Variants in ABCB9 observed in about 807,000 individuals in gnomAD.
ABCB9 encodes the protein ATP binding cassette subfamily B member 9.
Under a neutral mutation model 62.0 loss-of-function variants are expected in ABCB9, and 36 were observed. The ratio of observed to expected loss-of-function variants is 0.58; its 90% CI spans 0.45 to 0.77. ABCB9 has a LOEUF of 0.77. ABCB9 is among the 30% of genes least tolerant of loss of function. ABCB9 has a pLI of 0.00. For missense variants in ABCB9, 943 were observed against 1,054.7 expected, an observed-to-expected ratio of 0.89 and a Z score of 1.47; for synonymous variants, 435 against 461.4, an observed-to-expected ratio of 0.94 and a Z score of 0.73.
Position 122,940,176 on chromosome 12 carries a change from C to A in ABCB9, c.1678G>T (p.Gly560Trp), listed in dbSNP as rs756182750. ...NILENFYPLE[G>W]GRVLLDGKPI... ...TTGCCGTCCAGCAGCACCCGGCCCC[C>A]CTCCAGGGGGTAGAAGTTCTCCAGG... Residue 560 changes from glycine to tryptophan, a missense_variant, in exon 9 of 12, where the codon GGG becomes TGG. Gly to Trp is a radical substitution (Grantham distance 184). Transcript: ENST00000280560. The surrounding 1 kb of genome is among the most constrained non-coding windows in gnomAD (Gnocchi z 4.8). 6 of 1,613,678 alleles carry A rather than the reference C, an allele frequency of 3.7e-6. No individual in the cohort carries two copies. The highest frequency in any genetic ancestry group is 5.1e-6 in the Non-Finnish European group (6 of 1,179,916).
chr12:122,931,014 TTTTG>T (rs530609946), intron 11 of ABCB9, among the ~76,000 whole-genome samples: 1 of 152,032 alleles, frequency 6.6e-6, no homozygotes, highest in African/African-American at 2.4e-5. Flanking sequence ...CCATTCTGTT[TTTTG>T]TTTTTGTTTG....
chr12:122,944,460 T>G lies in ABCB9; in HGVS notation c.1311A>C (p.Ser437=). 6.2e-7 allele frequency: 1 copy of G among 1,613,970 alleles called. No homozygotes were observed. The highest frequency in any genetic ancestry group is 8.5e-7 in the Non-Finnish European group (1 of 1,179,908). The change falls in exon 7 of 12, where the codon TCA becomes TCC. Residue 437 remains serine (S), a synonymous_variant. Coordinates refer to ENST00000280560, the MANE Select transcript of ABCB9 (RefSeq NM_019625.4). The surrounding 1 kb of genome is among the most constrained non-coding windows in gnomAD (Gnocchi z 4.9). ...ILYYGGHLVI[S]GQMTSGNLIA... ...TGAGGTTGCCGCTGGTCATCTGGCC[T>G]GAGATGACAAGGTGGCCCCCGTAGT...
At chr12:122,924,822 A>T, downstream of ABCB9, 1 of 1,534,752 alleles carries the variant, frequency 6.5e-7, no homozygotes, top group Non-Finnish European at 8.7e-7. Context: ...TGTGTGGGAC[A>T]GAAGGAGGAC....
Position 122,935,393 on chromosome 12 carries a change from G to A in ABCB9, c.1782C>T (p.Arg594=), listed in dbSNP as rs772502697. Residue 594 remains arginine (R), a synonymous_variant, in exon 10 of 12, where the codon CGC becomes CGT. Transcript: ENST00000280560. ...CGTAGGAGATGTTATCCGTGATGGA[G>A]CGGGCGAACAGCACGGGCTCCTGGC... ...LVSQEPVLFA[R]SITDNISYGL... is the part of the protein sequence containing the mutation. 9.9e-6 allele frequency: 16 copies of A among 1,614,074 alleles called. 1 individual carries two copies. The South Asian group carries it at 1.8e-4, about 18-fold the overall frequency.
chr12:122,965,717 C>T (rs1382133671), intron 1 of ABCB9, among the ~76,000 whole-genome samples: 1 of 150,018 alleles, frequency 6.7e-6, no homozygotes, highest in African/African-American at 2.4e-5. Context: ...AATGTCAGGC[C>T]GGGGGAGGAG....
upstream of ABCB9, among the ~76,000 whole-genome samples, chr12:122,971,076 C>T (rs2037264929): frequency 6.6e-6 from 1 of 152,132 alleles, no homozygotes; most frequent in Non-Finnish European, 1.5e-5. Flanking sequence ...CCATATGATA[C>T]TGTAATGGTA....
In ABCB9 at chr12:122,922,677, C is replaced by A. The variant is rs965196002; in HGVS notation, c.2041-1634G>T. 2.6e-5 allele frequency among the ~76,000 whole-genome samples: 4 copies of A among 152,220 alleles called. No individual in the cohort carries two copies. The East Asian group carries it at 5.8e-4, about 22-fold the overall frequency. ...TACAGGTGTGAGCCACTGCACCCAG[C>A]CAAGTCTATTTTTATTCTTAAAGAA... On this transcript the variant is annotated intron_variant, in intron 11 of 11. Coordinates refer to the ABCB9 transcript ENST00000344275.
At chr12:122,961,155 TA>T (rs2036879468) in intron 1 of ABCB9, among the ~76,000 whole-genome samples, 1 of 151,170 alleles carries the variant, frequency 6.6e-6, no homozygotes, top group Non-Finnish European at 1.5e-5. Context: ...GTGAATAGGA[TA>T]GGGGTGGGGG....
In ABCB9 at chr12:122,929,268, C is replaced by A. The variant is rs953697304; in HGVS notation, c.*643G>T. 7.1e-6 allele frequency: 7 copies of A among 986,054 alleles called. No individual in the cohort carries two copies. The highest frequency in any genetic ancestry group is 8.4e-6 in the Non-Finnish European group (7 of 830,106). The allele number at this position is 986,054 out of a possible 1,614,324, so 61.1% of individuals were successfully genotyped here. On this transcript the variant is annotated 3_prime_UTR_variant, in exon 12 of 12. Coordinates refer to ENST00000280560, the MANE Select transcript of ABCB9 (RefSeq NM_019625.4). This position sits in a 1 kb window ranked among gnomAD's most constrained non-coding sequence, Gnocchi z 6.0. ...CTCCAGACCTGGCCAGCCCCTCACT[C>A]CCCCAGTTGAGGTTTCGTGTGGTTC...
At position 122,930,317 on chromosome 12, in the gene ABCB9, G is replaced by A. The variant is rs1289610805; in HGVS notation, c.2041-146C>T. 2.4e-6 allele frequency: 2 copies of A among 831,656 alleles called. No individual in the cohort carries two copies. The allele number at this position is 831,656 out of a possible 1,614,324, so 51.5% of individuals were successfully genotyped here. On this transcript the variant is annotated intron_variant, in intron 11 of 11. Coordinates refer to ENST00000280560, the MANE Select transcript of ABCB9 (RefSeq NM_019625.4). The surrounding 1 kb of genome is among the most constrained non-coding windows in gnomAD (Gnocchi z 4.9). ...CAGCTTCCTGGGTTTTTCTTAAAGG[G>A]AGACAGCTCAGGGCCAGACACAATG...
chr12:122,952,647 C>T (rs560796724), intron 2 of ABCB9: 6 of 152,342 alleles, frequency 3.9e-5, no homozygotes, highest in Admixed American at 3.3e-4. Context: ...TGAGCTGTGA[C>T]AGAATATTCT....
chr12:122,925,162 C>G (rs1467844603), downstream of ABCB9, among the ~76,000 whole-genome samples: 1 of 152,158 alleles, frequency 6.6e-6, no homozygotes, highest in East Asian at 1.9e-4. Flanking sequence ...CTCAAGCGAT[C>G]TGCCTGCCTC....
rs997236406 is a variant in ABCB9, at chr12:122,960,889, A to G, written c.-87-567T>C. On this transcript the variant is annotated intron_variant, in intron 1 of 11. Coordinates refer to ENST00000280560, the MANE Select transcript of ABCB9 (RefSeq NM_019625.4). ...GTGAGACCCTGTCTTTAAAAAGCAA[A>G]CAAACAAACAAACAAACAAACATTA... 2.0e-4 allele frequency among the ~76,000 whole-genome samples: 28 copies of G among 139,122 alleles called. 1 individual carries two copies. Among genetic ancestry groups the G allele is most frequent in the Non-Finnish European group, 1.6e-5 (1 of 63,174 alleles). 91.3% of individuals were successfully genotyped at this position (139,122 alleles called of 152,430 possible).
At chr12:122,926,213 T>C (rs1048942524), downstream of ABCB9, among the ~76,000 whole-genome samples, 8 of 152,152 alleles carry the variant, frequency 5.3e-5, no homozygotes, top group African/African-American at 1.9e-4. Flanking sequence ...TAATGATAAG[T>C]TTTATATTGT....
chr12:122,953,463 C>G (rs1594050853), intron 2 of ABCB9, among the ~76,000 whole-genome samples: 1 of 152,196 alleles, frequency 6.6e-6, no homozygotes, highest in South Asian at 2.1e-4. Flanking sequence ...TTTCAGCTCG[C>G]TGTAACCTCT....
At chr12:122,925,155 A>G (rs2034859255), downstream of ABCB9, among the ~76,000 whole-genome samples, 1 of 152,152 alleles carries the variant, frequency 6.6e-6, no homozygotes, top group Non-Finnish European at 1.5e-5. Flanking sequence ...TCGTGGGCTC[A>G]AGCGATCTGC....
chr12:122,957,387 A>G (rs1269493576), intron 2 of ABCB9, among the ~76,000 whole-genome samples: 2 of 152,082 alleles, frequency 1.3e-5, no homozygotes, highest in African/African-American at 4.8e-5. Context: ...TAAGGACTCC[A>G]ACAATCCTTG....
intron 3 of ABCB9, 121 bp from the exon 4 acceptor site, chr12:122,950,039 C>T (rs1009984261): frequency 1.5e-6 from 2 of 1,373,886 alleles, no homozygotes; most frequent in Non-Finnish European, 2.0e-6. Context: ...CCAGGGCTGG[C>T]ATCCCTGCGG....
chr12:122,949,939 T>C (rs752616904), intron 3 of ABCB9, 21 bp from the exon 4 acceptor site: 3 of 1,613,608 alleles, frequency 1.9e-6, no homozygotes, highest in Non-Finnish European at 2.5e-6. Context: ...ATAAGAGATA[T>C]TATAGCACGA....
Sources: gnomAD v4.1 joint callset for allele counts (sites outside exome capture counted in the v4.1 genomes callset) on GRCh38, gnomAD v4.1.1 for gene constraint, Gnocchi (gnomAD v3.1) non-coding constraint, MANE v1.5 for transcripts, NCBI Gene and HGNC (gene_info 2026-07-23, HGNC 2026-07-21) for gene names.